ADAMTS20: variants seen among roughly 807,000 people sequenced by gnomAD.
ADAMTS20 encodes A disintegrin and metalloproteinase with thrombospondin motifs 20.
A neutral mutation model predicts 260.1 loss-of-function variants in ADAMTS20; 225 were observed. The observed-to-expected ratio is 0.87, with a 90% CI of 0.78 to 0.97. ADAMTS20 has a LOEUF of 0.97. Among genes scored for constraint, ADAMTS20 ranks in the 50% least tolerant of loss-of-function variants. The pLI, the probability that ADAMTS20 is intolerant of heterozygous loss-of-function variation, is 0.00. For missense variants in ADAMTS20, 2,400 were observed against 2,337.7 expected, an observed-to-expected ratio of 1.03 and a Z score of -0.55; for synonymous variants, 802 against 769.5, an observed-to-expected ratio of 1.04 and a Z score of -0.70.
intron 23 of ADAMTS20, 79 bp from the exon 24 acceptor site, chr12:43,429,803 G>T: frequency 1.1e-6 from 1 of 934,226 alleles, no homozygotes; most frequent in Non-Finnish European, 1.6e-6. Context: ...CACTTCTTCT[G>T]TATGTCTCAA....
rs370316605 is a variant in ADAMTS20, at chr12:43,523,605, G to A, written c.613+8431C>T. Among the ~76,000 whole-genome samples, 14 of 152,054 alleles carry A rather than the reference G, an allele frequency of 9.2e-5. No individual in the cohort carries two copies. In the East Asian group the frequency reaches 1.2e-3, roughly 13 times the overall value. The stretch of plus-strand genomic sequence containing the variant: ...GCTTGCTGCTGCTAGCAGAAAAATT[G>A]TGACTTTGAGATCTACCTTGCCAAG... On this transcript the variant is annotated intron_variant, in intron 3 of 38. Coordinates refer to ENST00000389420, the MANE Select transcript of ADAMTS20 (RefSeq NM_025003.5).
At chr12:43,374,167 T>G (rs1245131093) in intron 36 of ADAMTS20, among the ~76,000 whole-genome samples, 1 of 152,188 alleles carries the variant, frequency 6.6e-6, no homozygotes. Flanking sequence ...AGTTTATTAT[T>G]GTAACCATAG....
intron 2 of ADAMTS20, among the ~76,000 whole-genome samples, chr12:43,537,485 G>C (rs1159385233): frequency 6.6e-6 from 1 of 152,058 alleles, no homozygotes; most frequent in Non-Finnish European, 1.5e-5. Context: ...ACCTCCTGAA[G>C]CATTTATCTT....
At chr12:43,530,022 T>G (rs1385702054) in intron 3 of ADAMTS20, among the ~76,000 whole-genome samples, 1 of 152,130 alleles carries the variant, frequency 6.6e-6, no homozygotes, top group Non-Finnish European at 1.5e-5. Context: ...GGAGGCAATT[T>G]AAGACTTGAA....
intron 29 of ADAMTS20, among the ~76,000 whole-genome samples, chr12:43,398,308 C>T (rs1018680706): frequency 2.6e-5 from 4 of 152,146 alleles, no homozygotes; most frequent in Non-Finnish European, 5.9e-5. Context: ...TGCATGCCTA[C>T]CCGAATTTAA....
rs1942613596 is a variant in ADAMTS20 at position 43,492,372 on chromosome 12, T to A, written c.1076+133A>T. The A allele has an allele frequency of 1.9e-5, 21 of 1,127,450 alleles. No homozygotes were observed. The South Asian group carries it at 3.0e-4, about 16-fold the overall frequency. The allele number at this position is 1,127,450 out of a possible 1,614,324, so 69.8% of individuals were successfully genotyped here. A position where few individuals can be genotyped will look rare whatever the true frequency, so the allele number is the denominator to read the frequency against. On this transcript the variant is annotated intron_variant, in intron 6 of 38. Transcript: ENST00000389420. ...TCCACCCTGGGCGACAGAGCGAGACTCTGTCTCAAAAAAAAAAGAAAAAGA... is the reference window on the plus strand; with the variant it reads ...TCCACCCTGGGCGACAGAGCGAGACACTGTCTCAAAAAAAAAAGAAAAAGA...
intron 29 of ADAMTS20, among the ~76,000 whole-genome samples, chr12:43,393,427 T>C (rs1275780214): frequency 2.6e-5 from 4 of 152,096 alleles, no homozygotes; most frequent in East Asian, 1.9e-4. Context: ...AATATAACAC[T>C]GCATACATTA....
chr12:43,475,152 C>G (rs1019488147), intron 7 of ADAMTS20, among the ~76,000 whole-genome samples: 3 of 96,622 alleles, frequency 3.1e-5, no homozygotes, highest in Non-Finnish European at 4.3e-5. Flanking sequence ...TCTCAGGATA[C>G]AAAATCAATG....
chr12:43,487,046 C>T (rs1942532028), intron 7 of ADAMTS20, among the ~76,000 whole-genome samples: 2 of 152,132 alleles, frequency 1.3e-5, no homozygotes, highest in African/African-American at 4.8e-5. Flanking sequence ...ATAGATCTAC[C>T]ATTTGATCCA....
chr12:43,429,793 C>T lies in ADAMTS20; in HGVS notation c.3382-69G>A, dbSNP rs560634744. The T allele has an allele frequency of 7.2e-5, 72 of 1,005,858 alleles. No homozygotes were observed. In the South Asian group the frequency reaches 1.1e-3, roughly 15 times the overall value. The allele number at this position is 1,005,858 out of a possible 1,614,324, so 62.3% of individuals were successfully genotyped here. A position where few individuals can be genotyped will look rare whatever the true frequency, so the allele number is the denominator to read the frequency against. ...CTGATTTATACAAAATCTAATACTT[C>T]ACTTCTTCTGTATGTCTCAAGAACC... On this transcript the variant is annotated intron_variant, in intron 23 of 38. Transcript: ENST00000389420.
chr12:43,505,723 C>T lies in ADAMTS20; in HGVS notation c.614-3318G>A, dbSNP rs138881196. ...GTGTTGTAAAATGGTATAACCACTA[C>T]GGAAAACAATATGGATGTTCCTTAA... On this transcript the variant is annotated intron_variant, in intron 3 of 38. Coordinates refer to ENST00000389420, the MANE Select transcript of ADAMTS20 (RefSeq NM_025003.5). 3.6e-3 allele frequency among the ~76,000 whole-genome samples: 543 copies of T among 152,214 alleles called. 2 individuals are homozygous for T. Among genetic ancestry groups the T allele is most frequent in the South Asian group, 0.019 (91 of 4,820 alleles).
At chr12:43,469,696 T>C (rs142145452) in intron 7 of ADAMTS20, among the ~76,000 whole-genome samples, 1 of 152,280 alleles carries the variant, frequency 6.6e-6, no homozygotes, top group African/African-American at 2.4e-5. Context: ...TAATATAGAA[T>C]AAACAGACTT....
intron 7 of ADAMTS20, among the ~76,000 whole-genome samples, chr12:43,487,901 T>A (rs1942546958): frequency 1.3e-5 from 2 of 152,178 alleles, no homozygotes; most frequent in Non-Finnish European, 2.9e-5. Context: ...GGTGGCATGA[T>A]GTTGCAGACT....
At chr12:43,440,778 T>C (rs1487013946) in intron 16 of ADAMTS20, among the ~76,000 whole-genome samples, 1 of 152,174 alleles carries the variant, frequency 6.6e-6, no homozygotes, top group Admixed American at 6.5e-5. Flanking sequence ...ATTCCATTTA[T>C]GCTTATCTTA....
At position 43,429,739 on chromosome 12, in the gene ADAMTS20, A is replaced by C. The variant is rs1239396081; in HGVS notation, c.3382-15T>G. ...AGTACACAGCTCTGTTCAGAAGAAAAATGGTTCTCGTAAAACATTAATTAA... is the reference window on the plus strand; with the variant it reads ...AGTACACAGCTCTGTTCAGAAGAAACATGGTTCTCGTAAAACATTAATTAA... On this transcript the variant is annotated splice_polypyrimidine_tract_variant and intron_variant, in intron 23 of 38. Transcript: ENST00000389420. 6.7e-7 allele frequency: 1 copy of C among 1,498,096 alleles called. No homozygotes were observed. Among genetic ancestry groups the C allele is most frequent in the East Asian group, 2.4e-5 (1 of 41,924 alleles). 92.8% of individuals were successfully genotyped at this position (1,498,096 alleles called of 1,614,324 possible).
intron 6 of ADAMTS20, 30 bp from the exon 7 acceptor site, chr12:43,490,465 T>G: frequency 8.2e-7 from 1 of 1,218,338 alleles, no homozygotes. Context: ...TTTGAAGCAT[T>G]TTTGGAAAAT....
rs555813704 is a variant in ADAMTS20, at chr12:43,481,367, T to C, written c.1117+9028A>G. 4.6e-5 allele frequency among the ~76,000 whole-genome samples: 7 copies of C among 152,308 alleles called. No homozygotes were observed. In the East Asian group the frequency reaches 1.3e-3, roughly 29 times the overall value. ...TTTTAAAAGACTCAGAAAACAAGGA[T>C]AATAAATTTATCTGCTAAGAACCTA... On this transcript the variant is annotated intron_variant, in intron 7 of 38. Coordinates refer to ENST00000389420, the MANE Select transcript of ADAMTS20 (RefSeq NM_025003.5).
chr12:43,375,968 G>A (rs1940216682), intron 35 of ADAMTS20, 89 bp downstream of exon 35: 1 of 931,412 alleles, frequency 1.1e-6, no homozygotes, highest in Non-Finnish European at 1.6e-6. Flanking sequence ...TCACATGTAA[G>A]CTATTCAAGT....
chr12:43,510,706 C>T (rs1205392791), intron 3 of ADAMTS20, among the ~76,000 whole-genome samples: 1 of 151,986 alleles, frequency 6.6e-6, no homozygotes, highest in Non-Finnish European at 1.5e-5. Flanking sequence ...TCACGCACAC[C>T]ATGCAACAAT....
Sources: gnomAD v4.1 joint callset for allele counts (sites outside exome capture counted in the v4.1 genomes callset) on GRCh38, gnomAD v4.1.1 for gene constraint, MANE v1.5 for transcripts, NCBI Gene and HGNC (gene_info 2026-07-23, HGNC 2026-07-21) for gene names.